Variants in SPHKAP observed in about 807,000 individuals in gnomAD.
SPHKAP encodes the protein SPHK1 interactor, AKAP domain containing.
SPHKAP carries 67 observed loss-of-function variants against 137.5 expected under a neutral mutation model. That is an observed-to-expected ratio of 0.49 (90% confidence interval 0.40 to 0.60). The LOEUF (loss-of-function observed/expected upper bound fraction) is 0.60, where lower values mean the gene tolerates loss of function less well. Ranked by LOEUF, SPHKAP falls within the 20% of genes least tolerant of loss-of-function variation. SPHKAP has a pLI of 0.00. For synonymous variants in SPHKAP, 813 were observed against 785.3 expected (o/e 1.04, Z -0.59); for missense variants, 2,097 against 2,069.3 (o/e 1.01, Z -0.26).
chr2:227,981,843 C>G lies in SPHKAP; in HGVS notation c.4977G>C (p.Gln1659His), dbSNP rs1693005410. The change falls in exon 12 of 12, where the codon CAG (glutamine) becomes CAC (histidine). Residue 1659 changes from glutamine to histidine, a missense_variant. Coordinates refer to ENST00000392056, the MANE Select transcript of SPHKAP (RefSeq NM_001142644.2). ...NRIEKFLDVV[Q>H]LVHRKSWKVG... ...CTTTCCAGGACTTCCGATGAACCAG[C>G]TGCACGACATCTAGAAACTAAAATA... The G allele has an allele frequency of 1.2e-6, 2 of 1,613,204 alleles. No homozygotes were observed. The highest frequency in any genetic ancestry group is 1.7e-5 in the Admixed American group (1 of 59,936).
intron 1 of SPHKAP, among the ~76,000 whole-genome samples, chr2:228,138,760 G>T (rs10170286): frequency 0.33 from 49,593 of 151,870 alleles, 8,559 homozygotes; most frequent in East Asian, 0.51. Flanking sequence ...GTTATAAAGG[G>T]CCCAGCATTT....
intron 3 of SPHKAP, among the ~76,000 whole-genome samples, chr2:228,077,307 C>T (rs960850191): frequency 6.6e-6 from 1 of 152,190 alleles, no homozygotes; most frequent in Non-Finnish European, 1.5e-5. Flanking sequence ...GTCTTCCAGA[C>T]CCCACTGTCC....
rs372633163 is a variant in SPHKAP, at chr2:227,995,565, C to T, written c.4578G>A (p.Glu1526=). The T allele has an allele frequency of 8.1e-6, 13 of 1,613,968 alleles. No individual in the cohort carries two copies. In the African/African-American group the frequency reaches 1.6e-4, roughly 20 times the overall value. ...TACTTGTGTCATCTGGGTTGTCTTCCTCATTGGCAAGCTGGGTCCAGCTGC... is the reference window on the plus strand; with the variant it reads ...TACTTGTGTCATCTGGGTTGTCTTCTTCATTGGCAAGCTGGGTCCAGCTGC... ...STGSWTQLAN[E]EDNPDDTSSF... The change falls in exon 8 of 12, where the codon GAG becomes GAA. Residue 1526 remains glutamate (E), a synonymous_variant. Transcript: ENST00000392056.
In SPHKAP at chr2:228,000,852, T is replaced by G. The variant is rs536269736; in HGVS notation, c.4449-5158A>C. Reference sequence around the variant, plus strand: ...TAACTAAAGCTAGTATAAACATCTGTGTGCAGGTTTTTATATGGGCATAAG... The same window carrying G: ...TAACTAAAGCTAGTATAAACATCTGGGTGCAGGTTTTTATATGGGCATAAG... On this transcript the variant is annotated intron_variant, in intron 7 of 11. Coordinates refer to ENST00000392056, the MANE Select transcript of SPHKAP (RefSeq NM_001142644.2). Among the ~76,000 whole-genome samples, 3 of 152,144 alleles carry G rather than the reference T, an allele frequency of 2.0e-5. No individual in the cohort carries two copies. In the South Asian group the frequency reaches 6.2e-4, roughly 31 times the overall value.
intron 3 of SPHKAP, among the ~76,000 whole-genome samples, chr2:228,091,957 A>G (rs959797200): frequency 4.6e-5 from 7 of 152,018 alleles, no homozygotes; most frequent in Non-Finnish European, 1.0e-4. Context: ...TACAAAAATG[A>G]TACTTGAACA....
intron 2 of SPHKAP, among the ~76,000 whole-genome samples, chr2:228,128,156 C>T (rs1699136065): frequency 6.6e-6 from 1 of 152,144 alleles, no homozygotes; most frequent in African/African-American, 2.4e-5. Context: ...CTGGATCATG[C>T]AATGCTATTC....
chr2:227,997,929 T>TA (rs1693696180), intron 7 of SPHKAP, among the ~76,000 whole-genome samples: 1 of 152,214 alleles, frequency 6.6e-6, no homozygotes, highest in African/African-American at 2.4e-5. Flanking sequence ...ACTCTTAGTC[T>TA]AGAGAGCTCC....
intron 1 of SPHKAP, among the ~76,000 whole-genome samples, chr2:228,170,853 A>G (rs1047643020): frequency 2.6e-5 from 4 of 152,068 alleles, no homozygotes; most frequent in African/African-American, 9.7e-5. Context: ...TTCTCTAGGA[A>G]TTTGTGATAG....
intron 3 of SPHKAP, among the ~76,000 whole-genome samples, chr2:228,079,673 C>G (rs1014966882): frequency 6.6e-6 from 1 of 152,196 alleles, no homozygotes; most frequent in Non-Finnish European, 1.5e-5. Context: ...CCCACCAGCT[C>G]CAGGTCAGCC....
intron 2 of SPHKAP, among the ~76,000 whole-genome samples, chr2:228,111,341 T>C (rs1391170395): frequency 6.6e-6 from 1 of 152,158 alleles, no homozygotes; most frequent in East Asian, 1.9e-4. Flanking sequence ...GTGGGATCAC[T>C]GAGGGTATTC....
At chr2:228,072,910 T>A (rs1697049487) in intron 3 of SPHKAP, among the ~76,000 whole-genome samples, 2 of 152,166 alleles carry the variant, frequency 1.3e-5, no homozygotes, top group African/African-American at 4.8e-5. Flanking sequence ...AGGCTTTGAG[T>A]CTTCCAGCTG....
intron 7 of SPHKAP, among the ~76,000 whole-genome samples, chr2:228,001,824 G>T (rs758603613): frequency 5.3e-5 from 8 of 151,540 alleles, no homozygotes; most frequent in Non-Finnish European, 1.0e-4. Flanking sequence ...GAAGTGTTTG[G>T]TTTTTTTTCC....
chr2:228,075,701 T>C (rs766640745), intron 3 of SPHKAP, among the ~76,000 whole-genome samples: 15 of 152,206 alleles, frequency 9.9e-5, no homozygotes, highest in Non-Finnish European at 1.9e-4. Context: ...CATTCTCAGA[T>C]GTAAGTCATG....
rs1700910954 is a variant in SPHKAP at position 228,181,470 on chromosome 2, C to A, written c.32+97G>T. 1 of 1,562,694 alleles carries A rather than the reference C, an allele frequency of 6.4e-7. No homozygotes were observed. The highest frequency in any genetic ancestry group is 1.4e-5 in the African/African-American group (1 of 73,788). ...CTGTCTCCTCGCTGGGAGCCCCGTG[C>A]AAACCGAAGCGCTCTGGGGCAAGTT... On this transcript the variant is annotated intron_variant, in intron 1 of 11. Transcript: ENST00000392056. This position sits in a 1 kb window ranked among gnomAD's most constrained non-coding sequence, Gnocchi z 4.3.
chr2:228,055,925 T>G (rs1353760632), intron 3 of SPHKAP, among the ~76,000 whole-genome samples: 1 of 152,212 alleles, frequency 6.6e-6, no homozygotes, highest in Admixed American at 6.5e-5. Context: ...GGGTGAGAAA[T>G]GGCCGATGCC....
intron 1 of SPHKAP, among the ~76,000 whole-genome samples, chr2:228,147,504 A>C (rs931455570): frequency 1.3e-5 from 2 of 152,216 alleles, no homozygotes; most frequent in Non-Finnish European, 2.9e-5. Flanking sequence ...TAATATAAAT[A>C]TGTCAAAGTC....
chr2:228,124,423 G>A (rs1699006869), intron 2 of SPHKAP, among the ~76,000 whole-genome samples: 1 of 152,032 alleles, frequency 6.6e-6, no homozygotes, highest in Non-Finnish European at 1.5e-5. Flanking sequence ...ATGAGTTCAT[G>A]TCCTTTGTAG....
At chr2:228,105,491 G>T (rs1698311478) in intron 3 of SPHKAP, among the ~76,000 whole-genome samples, 2 of 152,158 alleles carry the variant, frequency 1.3e-5, no homozygotes, top group Admixed American at 6.5e-5. Context: ...ATTAGAAAAA[G>T]AAATAAAATT....
At chr2:228,137,553 CTT>C (rs1164998166) in intron 1 of SPHKAP, among the ~76,000 whole-genome samples, 2 of 151,968 alleles carry the variant, frequency 1.3e-5, no homozygotes, top group African/African-American at 2.4e-5. Context: ...AAGATTCGCT[CTT>C]GTCTTCTCCC....
Sources: allele counts gnomAD v4.1 joint callset (sites outside exome capture counted in the v4.1 genomes callset), GRCh38; gene constraint gnomAD v4.1.1; non-coding constraint Gnocchi (gnomAD v3.1); transcripts MANE v1.5; gene names NCBI Gene and HGNC (gene_info 2026-07-23, HGNC 2026-07-21).